Variants in ZNF407 observed in about 807,000 individuals in gnomAD.
The protein encoded by ZNF407 is zinc finger protein 407.
Under a neutral mutation model 131.2 loss-of-function variants are expected in ZNF407, and 17 were observed. That is an observed-to-expected ratio of 0.13 (90% CI 0.09 to 0.19). The LOEUF (loss-of-function observed/expected upper bound fraction) is 0.19. ZNF407 is among the 10% of genes least tolerant of loss of function. The pLI is 1.00. For missense variants in ZNF407, 2,681 were observed against 2,830.6 expected (o/e 0.95, Z 1.20); for synonymous variants, 1,156 against 1,062.0 (o/e 1.09, Z -1.72).
intron 7 of ZNF407, chr18:74,905,617 C>A (rs1971585637): frequency 6.6e-6 from 1 of 152,190 alleles, no homozygotes; most frequent in Non-Finnish European, 1.5e-5. Flanking sequence ...TTTAGAATCA[C>A]TTTTTATCGC....
intron 1 of ZNF407, among the ~76,000 whole-genome samples, chr18:74,599,969 C>T (rs1982509603): frequency 6.6e-6 from 1 of 152,228 alleles, no homozygotes; most frequent in South Asian, 2.1e-4. Flanking sequence ...CTTTCCAACT[C>T]TGATGACTAG....
rs187450046 is a variant in ZNF407 at position 74,679,432 on chromosome 18, T to A, written c.4802+38310T>A. ...TGCTTCTGTACGGGGTGAAGTCTGA[T>A]TCTCATTTGTGTCTTCAATCACTAG... On this transcript the variant is annotated intron_variant, in intron 3 of 8. Coordinates refer to ENST00000299687, the MANE Select transcript of ZNF407 (RefSeq NM_017757.3). 1.4e-4 allele frequency among the ~76,000 whole-genome samples: 22 copies of A among 152,338 alleles called. No homozygotes were observed. In the East Asian group the frequency reaches 3.9e-3, roughly 27 times the overall value.
At chr18:74,622,779 C>T (rs141669570) in intron 1 of ZNF407, among the ~76,000 whole-genome samples, 275 of 151,506 alleles carry the variant, frequency 1.8e-3, no homozygotes, top group African/African-American at 6.4e-3. Context: ...TGAGAGTGCG[C>T]GTGTCATTGT....
At chr18:74,681,032 A>G (rs1966970741) in intron 3 of ZNF407, among the ~76,000 whole-genome samples, 1 of 152,138 alleles carries the variant, frequency 6.6e-6, no homozygotes, top group African/African-American at 2.4e-5. Context: ...ATGTGGAGAG[A>G]CAGAAGTTCA....
At chr18:74,623,356 G>A (rs374089413) in intron 1 of ZNF407, among the ~76,000 whole-genome samples, 1 of 152,128 alleles carries the variant, frequency 6.6e-6, no homozygotes, top group Non-Finnish European at 1.5e-5. Flanking sequence ...GTGAGTGCGC[G>A]TGTGCGTCTG....
At chr18:74,851,402 A>C (rs574990123) in intron 4 of ZNF407, among the ~76,000 whole-genome samples, 1 of 152,202 alleles carries the variant, frequency 6.6e-6, no homozygotes, top group Non-Finnish European at 1.5e-5. Flanking sequence ...GATTTTCATG[A>C]TTCTGAAAAT....
chr18:74,852,706 A>G (rs1970806405), intron 4 of ZNF407, among the ~76,000 whole-genome samples: 1 of 152,170 alleles, frequency 6.6e-6, no homozygotes, highest in Non-Finnish European at 1.5e-5. Flanking sequence ...GCTTGGGTGC[A>G]CATTCTCGTT....
chr18:74,917,223 A>T (rs968758698), intron 7 of ZNF407, among the ~76,000 whole-genome samples: 10 of 152,100 alleles, frequency 6.6e-5, no homozygotes, highest in African/African-American at 2.2e-4. Context: ...ATACACATTA[A>T]CACTCACTCT....
chr18:74,734,610 C>T (rs899155496), intron 3 of ZNF407, among the ~76,000 whole-genome samples: 2 of 151,794 alleles, frequency 1.3e-5, no homozygotes, highest in Admixed American at 6.6e-5. Context: ...ACTGTCCTCA[C>T]CTGGCACATG....
In ZNF407 at chr18:74,868,036, C is replaced by T. The variant is rs545935321; in HGVS notation, c.4878-9161C>T. Among the ~76,000 whole-genome samples the T allele has an allele frequency of 2.6e-5, 4 of 151,892 alleles. No individual in the cohort carries two copies. The South Asian group carries it at 8.4e-4, about 32-fold the overall frequency. ...CTATTTTTGGTTTATGGATAAAATC[C>T]ATCGTAGTTATATTTGTTAATTCAT... On this transcript the variant is annotated intron_variant, in intron 4 of 8. Transcript: ENST00000299687.
At chr18:74,702,538 C>T (rs1446529053) in intron 3 of ZNF407, among the ~76,000 whole-genome samples, 1 of 151,830 alleles carries the variant, frequency 6.6e-6, no homozygotes, top group East Asian at 1.9e-4. Context: ...TAGAAAAAGA[C>T]TGTAAGGCAT....
chr18:74,956,192 A>T (rs1313918070), intron 8 of ZNF407, among the ~76,000 whole-genome samples: 3 of 151,988 alleles, frequency 2.0e-5, no homozygotes, highest in Non-Finnish European at 4.4e-5. Context: ...AAATTGAATA[A>T]CTTTTTAGTA....
intron 3 of ZNF407, among the ~76,000 whole-genome samples, chr18:74,666,852 A>G (rs1328541513): frequency 6.6e-6 from 1 of 152,132 alleles, no homozygotes; most frequent in Non-Finnish European, 1.5e-5. Flanking sequence ...GCTAAATTGT[A>G]TGTTGGAACC....
chr18:74,802,944 A>T (rs1970045479), intron 4 of ZNF407, among the ~76,000 whole-genome samples: 1 of 151,828 alleles, frequency 6.6e-6, no homozygotes, highest in South Asian at 2.1e-4. Flanking sequence ...CTTTTTTTTT[A>T]ACTTTGCCAG....
chr18:74,946,605 T>C (rs1972156461), intron 8 of ZNF407, among the ~76,000 whole-genome samples: 1 of 152,238 alleles, frequency 6.6e-6, no homozygotes, highest in South Asian at 2.1e-4. Context: ...TTGAAAACAT[T>C]AATATATATT....
At position 74,757,062 on chromosome 18, in the gene ZNF407, G is replaced by A. The variant is rs138506709; in HGVS notation, c.4803-24366G>A. Among the ~76,000 whole-genome samples, 28 of 151,808 alleles carry A rather than the reference G, an allele frequency of 1.8e-4. No individual in the cohort carries two copies. In the East Asian group the frequency reaches 5.0e-3, roughly 27 times the overall value. Reference sequence around the variant, plus strand: ...CAAAGAACTAATTTTTGGATTTGTTGATATTGCCTATTTTTCTATGTCATT... The same window carrying A: ...CAAAGAACTAATTTTTGGATTTGTTAATATTGCCTATTTTTCTATGTCATT... On this transcript the variant is annotated intron_variant, in intron 3 of 8. Transcript: ENST00000299687.
intron 4 of ZNF407, among the ~76,000 whole-genome samples, chr18:74,834,005 TTTAATTTTC>T: frequency 6.6e-6 from 1 of 152,216 alleles, no homozygotes; most frequent in East Asian, 1.9e-4. Context: ...GATCAGAACT[TTTAATTTTC>T]TGATTTTTCT....
At chr18:74,747,158 TTTTC>T (rs1968687990) in intron 3 of ZNF407, among the ~76,000 whole-genome samples, 1 of 47,224 alleles carries the variant, frequency 2.1e-5, no homozygotes, top group Non-Finnish European at 1.1e-4. Context: ...TCTAGTTTTT[TTTTC>T]ATTTAATTAT....
At chr18:74,946,640 C>A (rs534379212) in intron 8 of ZNF407, among the ~76,000 whole-genome samples, 1 of 152,158 alleles carries the variant, frequency 6.6e-6, no homozygotes, top group South Asian at 2.1e-4. Flanking sequence ...ATTTGTCTTT[C>A]TTTTTTCTTT....
Sources: allele counts gnomAD v4.1 joint callset (sites outside exome capture counted in the v4.1 genomes callset), GRCh38; gene constraint gnomAD v4.1.1; transcripts MANE v1.5; gene names NCBI Gene and HGNC (gene_info 2026-07-23, HGNC 2026-07-21).